The following ZNF518A variants were observed in gnomAD, a reference collection of about 807,000 sequenced individuals.
ZNF518A encodes the protein zinc finger protein 518A, also known as zinc finger protein 518.
ZNF518A carries 47 observed loss-of-function variants against 102.7 expected under a neutral mutation model. That is an observed-to-expected ratio of 0.46 (90% confidence interval 0.36 to 0.58). The LOEUF (loss-of-function observed/expected upper bound fraction) is 0.58, where lower values mean the gene tolerates loss of function less well. Among genes scored for constraint, ZNF518A ranks in the 20% least tolerant of loss-of-function variants. The pLI is 0.00. For missense variants in ZNF518A, 1,793 were observed against 1,699.8 expected (o/e 1.05, Z -0.96); for synonymous variants, 652 against 594.6 (o/e 1.10, Z -1.40).
chr10:96,186,235 C>T (rs782438206), intron 1 of ZNF518A, among the ~76,000 whole-genome samples: 4 of 152,160 alleles, frequency 2.6e-5, no homozygotes, highest in Non-Finnish European at 5.9e-5. Context: ...GCACTCCAAC[C>T]AGTCGCAGTG....
At chr10:96,185,939 T>TC (rs1282020026) in intron 1 of ZNF518A, among the ~76,000 whole-genome samples, 1 of 152,176 alleles carries the variant, frequency 6.6e-6, no homozygotes, top group Non-Finnish European at 1.5e-5. Context: ...CAGACGCCTC[T>TC]CCCCCAGCCA....
At chr10:96,195,685 AG>A (rs2083447723) in intron 1 of ZNF518A, among the ~76,000 whole-genome samples, 1 of 152,222 alleles carries the variant, frequency 6.6e-6, no homozygotes, top group Non-Finnish European at 1.5e-5. Context: ...CAGTGGGTAT[AG>A]GGTTTTAGTT....
rs2083593882 is a variant in ZNF518A, at chr10:96,200,220, A to C, written n.36-3354A>C. 1.4e-6 allele frequency: 2 copies of C among 1,405,328 alleles called. No individual in the cohort carries two copies. 87.1% of individuals were successfully genotyped at this position (1,405,328 alleles called of 1,614,324 possible). On this transcript the variant is annotated intron_variant and non_coding_transcript_variant, in intron 1 of 2. Transcript: ENST00000442635. The surrounding 1 kb of genome is among the most constrained non-coding windows in gnomAD (Gnocchi z 4.3). ...CCCTACTTAACTCTAATTTCTGTGTACTAGAAACAAAGACCCATTTGCATT... is the reference window on the plus strand; with the variant it reads ...CCCTACTTAACTCTAATTTCTGTGTCCTAGAAACAAAGACCCATTTGCATT...
chr10:96,195,175 G>C (rs1436836060), intron 1 of ZNF518A, among the ~76,000 whole-genome samples: 2 of 152,164 alleles, frequency 1.3e-5, no homozygotes, highest in African/African-American at 4.8e-5. Context: ...GTGCTGGTGG[G>C]GATGTGAAGA....
intron 1 of ZNF518A, among the ~76,000 whole-genome samples, chr10:96,194,809 C>A (rs1283559033): frequency 7.6e-6 from 1 of 131,012 alleles, no homozygotes; most frequent in Admixed American, 8.9e-5. Context: ...CTCGCTCTGT[C>A]GCCCAGGCTG....
chr10:96,138,328 C>G (rs1473658985), intron 3 of ZNF518A, among the ~76,000 whole-genome samples: 1 of 152,172 alleles, frequency 6.6e-6, no homozygotes, highest in South Asian at 2.1e-4. Context: ...TTTCTGTCCC[C>G]TTGTTACTTC....
At chr10:96,138,805 T>A (rs1591121165) in intron 3 of ZNF518A, among the ~76,000 whole-genome samples, 1 of 152,146 alleles carries the variant, frequency 6.6e-6, no homozygotes, top group South Asian at 2.1e-4. Context: ...ACATTACAGA[T>A]GTAGTTCTCA....
In ZNF518A at chr10:96,161,005, G is replaced by C. The variant is rs797036291; in HGVS notation, c.*231G>C. 15 of 412,214 alleles carry C rather than the reference G, an allele frequency of 3.6e-5. No individual in the cohort carries two copies. Among genetic ancestry groups the C allele is most frequent in the African/African-American group, 3.1e-4 (15 of 48,450 alleles). The allele number at this position is 412,214 out of a possible 1,614,324, so 25.5% of individuals were successfully genotyped here. A position where few individuals can be genotyped will look rare whatever the true frequency, so the allele number is the denominator to read the frequency against. ...ACTAATCACAGCACAGAAGTACCTT[G>C]ATTTAATTTTTTAAACGTGTTCTCG... On this transcript the variant is annotated 3_prime_UTR_variant, in exon 6 of 6. Coordinates refer to ENST00000316045, the MANE Select transcript of ZNF518A (RefSeq NM_001330736.2).
At chr10:96,204,181 A>C, downstream of ZNF518A, 1 of 1,341,436 alleles carries the variant, frequency 7.5e-7, no homozygotes, top group East Asian at 2.3e-5. Flanking sequence ...GAACAGGCAC[A>C]TCACAAATAA....
chr10:96,146,157 C>A (rs1554878432), intron 3 of ZNF518A, among the ~76,000 whole-genome samples: 1 of 151,840 alleles, frequency 6.6e-6, no homozygotes, highest in East Asian at 1.9e-4. Context: ...TGTGAGTTTA[C>A]AGTATTGGTT....
intron 3 of ZNF518A, among the ~76,000 whole-genome samples, chr10:96,154,018 T>G (rs1209342790): frequency 6.6e-6 from 1 of 152,222 alleles, no homozygotes; most frequent in African/African-American, 2.4e-5. Flanking sequence ...TTTGATTTCC[T>G]ACCTCTTCAT....
chr10:96,158,438 A>G lies in ZNF518A; in HGVS notation c.2116A>G (p.Lys706Glu). 1 of 1,613,134 alleles carries G rather than the reference A, an allele frequency of 6.2e-7. No individual in the cohort carries two copies. Among genetic ancestry groups the G allele is most frequent in the Non-Finnish European group, 8.5e-7 (1 of 1,179,662 alleles). ...LLASISLLND[K>E]DGTLKAKSEI... Reference sequence around the variant, plus strand: ...AGCATCTATTAGCCTTTTAAATGATAAAGATGGAACTTTAAAAGCAAAATC... The same window carrying G: ...AGCATCTATTAGCCTTTTAAATGATGAAGATGGAACTTTAAAAGCAAAATC... The change falls in exon 6 of 6, where the codon AAA becomes GAA. Residue 706 changes from lysine (K) to glutamate (E), a missense_variant. Lys to Glu is a moderately conservative substitution (Grantham distance 56). Around this residue, in one of 3 missense-constraint regions of ZNF518A, gnomAD observed 1,741 missense variants for 1,622.6 expected, o/e 1.07. Transcript: ENST00000316045.
intron 1 of ZNF518A, among the ~76,000 whole-genome samples, chr10:96,173,256 G>A (rs2083183791): frequency 6.6e-6 from 1 of 152,076 alleles, no homozygotes; most frequent in Admixed American, 6.6e-5. Flanking sequence ...ATTGGCAACA[G>A]GTACAAACCA....
chr10:96,201,035 T>G, intron 1 of ZNF518A: 1 of 1,614,158 alleles, frequency 6.2e-7, no homozygotes, highest in South Asian at 1.1e-5. Flanking sequence ...CCATCCACAG[T>G]TGGGTTTCCC....
downstream of ZNF518A, among the ~76,000 whole-genome samples, chr10:96,167,635 C>T (rs1229806041): frequency 6.6e-6 from 1 of 151,950 alleles, no homozygotes; most frequent in Admixed American, 6.6e-5. Flanking sequence ...AGGCTCAATA[C>T]TAGATTTGAG....
At chr10:96,192,003 G>A in intron 1 of ZNF518A, 1 of 1,613,644 alleles carries the variant, frequency 6.2e-7, no homozygotes, top group African/African-American at 1.3e-5. Flanking sequence ...ACTTCAGTCT[G>A]GTGGAATCTT....
In ZNF518A at chr10:96,159,169, G is replaced by GCTA. The variant is rs1480990744; in HGVS notation, c.2849_2851dup (p.Leu950dup). On this transcript the variant is annotated inframe_insertion, in exon 6 of 6. Coordinates refer to ENST00000316045, the MANE Select transcript of ZNF518A (RefSeq NM_001330736.2). ...CATTGAACATTACTAACAAGCCTGG[G>GCTA]CTACCAGTTATTCCTGGAAATGCAC... 2 of 1,613,752 alleles carry GCTA rather than the reference G, an allele frequency of 1.2e-6. No homozygotes were observed. Among genetic ancestry groups the GCTA allele is most frequent in the Admixed American group, 1.7e-5 (1 of 60,000 alleles).
At chr10:96,191,814 T>C in intron 1 of ZNF518A, 3 of 970,850 alleles carry the variant, frequency 3.1e-6, no homozygotes, top group Non-Finnish European at 4.7e-6. Flanking sequence ...CATGAGCTTC[T>C]TAAAAAGAAA....
At chr10:96,166,863 C>T (rs1455633181), downstream of ZNF518A, among the ~76,000 whole-genome samples, 1 of 152,220 alleles carries the variant, frequency 6.6e-6, no homozygotes, top group African/African-American at 2.4e-5. Context: ...GCTGCCATCT[C>T]AGAGGACTGA....
Sources: allele counts gnomAD v4.1 joint callset (sites outside exome capture counted in the v4.1 genomes callset), GRCh38; gene constraint gnomAD v4.1.1; regional missense constraint gnomAD v4.1.1; non-coding constraint Gnocchi (gnomAD v3.1); transcripts MANE v1.5; gene names NCBI Gene and HGNC (gene_info 2026-07-23, HGNC 2026-07-21).